LARS2: variants seen among roughly 807,000 people sequenced by gnomAD.
LARS2 encodes the protein leucyl-tRNA synthetase 2, mitochondrial, also known as leucine--tRNA ligase, mitochondrial.
Under a neutral mutation model 116.6 loss-of-function variants are expected in LARS2, and 81 were observed. That is an observed-to-expected ratio of 0.69 (90% CI 0.58 to 0.84). The LOEUF is 0.84. Among genes scored for constraint, LARS2 ranks in the 40% least tolerant of loss-of-function variants. The pLI, the probability that LARS2 is intolerant of heterozygous loss-of-function variation, is 0.00. For synonymous variants in LARS2, 396 were observed against 407.2 expected (o/e 0.97, Z 0.33); for missense variants, 968 against 1,114.5 (o/e 0.87, Z 1.87).
intron 10 of LARS2, among the ~76,000 whole-genome samples, chr3:45,479,242 C>T (rs1480540945): frequency 6.6e-6 from 1 of 152,164 alleles, no homozygotes; most frequent in African/African-American, 2.4e-5. Flanking sequence ...GTTTAGCCTT[C>T]CTGGCAGAGC....
chr3:45,430,510 G>C (rs1698686108), intron 6 of LARS2, among the ~76,000 whole-genome samples: 1 of 148,502 alleles, frequency 6.7e-6, no homozygotes, highest in Admixed American at 6.7e-5. Context: ...TTGATCTCCT[G>C]ACCTCGTGAT....
At chr3:45,488,668 A>C in intron 11 of LARS2, 29 bp from the exon 12 acceptor site, 1 of 1,390,020 alleles carries the variant, frequency 7.2e-7, no homozygotes, top group East Asian at 2.3e-5. Flanking sequence ...TTGTGAAGGA[A>C]ATGTTTTCTT....
At chr3:45,449,614 AC>A (rs1381777268) in intron 7 of LARS2, among the ~76,000 whole-genome samples, 1 of 152,206 alleles carries the variant, frequency 6.6e-6, no homozygotes, top group Non-Finnish European at 1.5e-5. Context: ...TAAGTTTCCA[AC>A]ACATGAACTT....
At chr3:45,531,150 T>G (rs910361193) in intron 20 of LARS2, among the ~76,000 whole-genome samples, 3 of 152,182 alleles carry the variant, frequency 2.0e-5, no homozygotes, top group Non-Finnish European at 4.4e-5. Context: ...TCAGTTAAGA[T>G]TTATTGTGAG....
At chr3:45,394,269 G>A (rs972260278) in intron 2 of LARS2, among the ~76,000 whole-genome samples, 164 bp from the exon 3 acceptor site, 4 of 152,226 alleles carry the variant, frequency 2.6e-5, no homozygotes, top group Admixed American at 6.5e-5. Flanking sequence ...TAAAAAGTTT[G>A]TGTTTAGCTC....
At chr3:45,500,625 G>A (rs375839095) in intron 15 of LARS2, 46 bp downstream of exon 15, 12 of 1,400,000 alleles carry the variant, frequency 8.6e-6, no homozygotes, top group Admixed American at 2.7e-5. Context: ...TCCATGAATA[G>A]CAACTTTAAG....
rs1023729327 is a variant in LARS2 at position 45,499,971 on chromosome 3, A to G, written c.1623-471A>G. ...TTTATTATATAAGCTTTTCTCATAT[A>G]TATATTTTTGTTTGTTTGTTTGTTT... On this transcript the variant is annotated intron_variant, in intron 14 of 21. Coordinates refer to ENST00000645846, the MANE Select transcript of LARS2 (RefSeq NM_015340.4). Among the ~76,000 whole-genome samples, 25 of 151,932 alleles carry G rather than the reference A, an allele frequency of 1.6e-4. 1 individual carries two copies. The highest frequency in any genetic ancestry group is 5.8e-4 in the African/African-American group (24 of 41,436).
intron 18 of LARS2, among the ~76,000 whole-genome samples, chr3:45,518,980 C>T (rs987438691): frequency 6.6e-6 from 1 of 152,108 alleles, no homozygotes; most frequent in Non-Finnish European, 1.5e-5. Context: ...GATGCCTGAG[C>T]GATTGAGTTC....
chr3:45,478,782 T>G (rs1366819795), intron 10 of LARS2, among the ~76,000 whole-genome samples: 2 of 152,250 alleles, frequency 1.3e-5, no homozygotes, highest in Non-Finnish European at 2.9e-5. Context: ...TCAAAATCTC[T>G]AAATTAATTT....
chr3:45,417,087 C>CAAAAAAAAAAAAAAAAA (rs34878832), intron 4 of LARS2, among the ~76,000 whole-genome samples: 1 of 138,652 alleles, frequency 7.2e-6, no homozygotes, highest in South Asian at 2.2e-4. Context: ...AAAAAAAAAA[C>CAAAAAAAAAAAAAAAAA]AAAAAAAAAA....
chr3:45,478,905 T>C (rs1425445967), intron 10 of LARS2, among the ~76,000 whole-genome samples: 1 of 152,182 alleles, frequency 6.6e-6, no homozygotes, highest in Admixed American at 6.5e-5. Context: ...GAATGTATGA[T>C]TTATGCCTCT....
intron 14 of LARS2, among the ~76,000 whole-genome samples, chr3:45,500,168 A>G (rs1700095029): frequency 6.6e-6 from 1 of 151,996 alleles, no homozygotes; most frequent in Admixed American, 6.6e-5. Context: ...CAACTGGCTA[A>G]TTTTTGTATT....
chr3:45,476,718 C>T, intron 10 of LARS2, 91 bp downstream of exon 10: 1 of 1,322,362 alleles, frequency 7.6e-7, no homozygotes, highest in Non-Finnish European at 1.1e-6. Flanking sequence ...TCCTCTATGT[C>T]ATCTTGCGTG....
chr3:45,534,329 C>A (rs571008808), intron 20 of LARS2, among the ~76,000 whole-genome samples: 7 of 152,146 alleles, frequency 4.6e-5, no homozygotes, highest in Non-Finnish European at 8.8e-5. Flanking sequence ...CCTCTCCCAG[C>A]ATCTGAGGAG....
rs544299641 is a variant in LARS2 at position 45,445,470 on chromosome 3, A to G, written c.517-1421A>G. Among the ~76,000 whole-genome samples, 4 of 152,286 alleles carry G rather than the reference A, an allele frequency of 2.6e-5. No individual in the cohort carries two copies. The South Asian group carries it at 6.2e-4, about 24-fold the overall frequency. On this transcript the variant is annotated intron_variant, in intron 6 of 21. Transcript: ENST00000645846. ...TGGTTAGGTTCTTGAGTTGGTGAAG[A>G]TCTTTGTGCACGACACCCCTGTAGA...
At chr3:45,398,495 C>G (rs1698087901) in intron 3 of LARS2, among the ~76,000 whole-genome samples, 1 of 152,146 alleles carries the variant, frequency 6.6e-6, no homozygotes, top group Non-Finnish European at 1.5e-5. Flanking sequence ...AAAGTTCTAG[C>G]AAGGGAATAA....
chr3:45,424,079 A>C (rs1698555442), intron 6 of LARS2, among the ~76,000 whole-genome samples: 1 of 152,210 alleles, frequency 6.6e-6, no homozygotes, highest in African/African-American at 2.4e-5. Flanking sequence ...CTTCGGTACA[A>C]TACTATTATT....
rs1031541259 is a variant in LARS2, at chr3:45,452,129, C to T, written c.606+5149C>T. On this transcript the variant is annotated intron_variant, in intron 7 of 21. Transcript: ENST00000645846. ...TCTAAATATAAAATCATGTTGTCTG[C>T]AAACAAGAATAATTTGACTTCTTCC... 2.0e-5 allele frequency among the ~76,000 whole-genome samples: 3 copies of T among 152,088 alleles called. 1 individual carries two copies. The highest frequency in any genetic ancestry group is 7.2e-5 in the African/African-American group (3 of 41,440).
At chr3:45,415,896 G>A (rs1171288559) in intron 4 of LARS2, among the ~76,000 whole-genome samples, 2 of 80,996 alleles carry the variant, frequency 2.5e-5, no homozygotes, top group Non-Finnish European at 5.5e-5. Flanking sequence ...GAGAGAGGGA[G>A]AGAGAGAGAG....
Sources: allele counts gnomAD v4.1 joint callset (sites outside exome capture counted in the v4.1 genomes callset), GRCh38; gene constraint gnomAD v4.1.1; transcripts MANE v1.5; gene names NCBI Gene and HGNC (gene_info 2026-07-23, HGNC 2026-07-21).